Variants in OXR1 observed in about 807,000 individuals in gnomAD.
OXR1 encodes the protein oxidation resistance protein 1.
A neutral mutation model predicts 104.6 loss-of-function variants in OXR1; 41 were observed. That is an observed-to-expected ratio of 0.39 (90% confidence interval 0.31 to 0.51). The LOEUF (loss-of-function observed/expected upper bound fraction) is 0.51. OXR1 is among the 20% of genes least tolerant of loss of function. The probability of loss-of-function intolerance (pLI) is 0.77; values close to 1 mark genes in which losing one functional copy is unlikely to be tolerated. For synonymous variants in OXR1, 348 were observed against 348.4 expected (o/e 1.00, Z 0.01); for missense variants, 955 against 1,031.9 (o/e 0.93, Z 1.02).
chr8:106,385,451 C>T (rs1817335487), intron 2 of OXR1, among the ~76,000 whole-genome samples: 1 of 152,154 alleles, frequency 6.6e-6, no homozygotes, highest in Non-Finnish European at 1.5e-5. Flanking sequence ...TTAAAAGTCA[C>T]CATTTCCTAT....
At chr8:106,605,129 T>C (rs913984787) in intron 3 of OXR1, 6 of 152,212 alleles carry the variant, frequency 3.9e-5, no homozygotes, top group Non-Finnish European at 5.9e-5. Flanking sequence ...TCCTTTGTGC[T>C]GAAAACATGT....
chr8:106,704,393 C>CTTCTTTTT (rs1830917410), intron 8 of OXR1, among the ~76,000 whole-genome samples: 4 of 47,890 alleles, frequency 8.4e-5, no homozygotes, highest in African/African-American at 2.0e-4. Context: ...CTTTCTTCTT[C>CTTCTTTTT]TTTTTTTTTT....
At chr8:106,533,074 T>A (rs1357280143) in intron 3 of OXR1, among the ~76,000 whole-genome samples, 2 of 152,154 alleles carry the variant, frequency 1.3e-5, no homozygotes, top group Non-Finnish European at 2.9e-5. Flanking sequence ...AGTTGTCACA[T>A]CTGGGGTTTT....
intron 2 of OXR1, among the ~76,000 whole-genome samples, chr8:106,471,958 C>T (rs1172332628): frequency 1.3e-5 from 2 of 151,814 alleles, no homozygotes; most frequent in African/African-American, 4.8e-5. Context: ...AAATTGTTAT[C>T]GATGAAATAC....
Position 106,627,996 on chromosome 8 carries a change from CTGCCT to C in OXR1, c.221-51212_221-51208del, listed in dbSNP as rs1822317752. On this transcript the variant is annotated intron_variant, in intron 3 of 16. Coordinates refer to ENST00000517566, the MANE Select transcript of OXR1 (RefSeq NM_001198533.2). The stretch of plus-strand genomic sequence containing the variant: ...GGACTCCTACCTTTCAGGTTTCTCC[CTGCCT>C]TTCCAATCCATTATCCACACTGCCA... Among the ~76,000 whole-genome samples, 3 of 152,194 alleles carry C rather than the reference CTGCCT, an allele frequency of 2.0e-5. 1 individual carries two copies. Among genetic ancestry groups the C allele is most frequent in the Non-Finnish European group, 4.4e-5 (3 of 68,028 alleles).
At chr8:106,697,049 G>A (rs1411061094) in intron 7 of OXR1, among the ~76,000 whole-genome samples, 2 of 152,194 alleles carry the variant, frequency 1.3e-5, no homozygotes, top group Non-Finnish European at 1.5e-5. Context: ...GGCAGAGGCA[G>A]CATCACTGAC....
intron 2 of OXR1, among the ~76,000 whole-genome samples, chr8:106,426,721 A>G (rs1333319091): frequency 6.6e-6 from 1 of 152,180 alleles, no homozygotes; most frequent in Non-Finnish European, 1.5e-5. Flanking sequence ...TAATATGATG[A>G]TAGTACCTAT....
At chr8:106,386,647 G>T (rs1397693615) in intron 2 of OXR1, among the ~76,000 whole-genome samples, 1 of 152,098 alleles carries the variant, frequency 6.6e-6, no homozygotes, top group Non-Finnish European at 1.5e-5. Flanking sequence ...CAACCCCTAA[G>T]TCAAGGGGAA....
intron 2 of OXR1, among the ~76,000 whole-genome samples, chr8:106,461,668 A>G (rs531306305): frequency 6.6e-6 from 1 of 152,214 alleles, no homozygotes; most frequent in Non-Finnish European, 1.5e-5. Context: ...GAAATACAGG[A>G]TTCCTGCTGA....
chr8:106,461,216 TA>T (rs1820895902), intron 2 of OXR1, among the ~76,000 whole-genome samples: 1 of 151,708 alleles, frequency 6.6e-6, no homozygotes, highest in African/African-American at 2.4e-5. Context: ...AGAGTAAGAG[TA>T]GTCTCCCCTG....
intron 1 of OXR1, among the ~76,000 whole-genome samples, chr8:106,321,937 TTACTC>T (rs1407506982): frequency 1.3e-5 from 2 of 152,162 alleles, no homozygotes; most frequent in East Asian, 3.9e-4. Context: ...TATATCTTCA[TTACTC>T]AATTAAATAA....
intron 1 of OXR1, among the ~76,000 whole-genome samples, chr8:106,287,318 C>G (rs1812541613): frequency 6.6e-6 from 1 of 152,130 alleles, no homozygotes; most frequent in African/African-American, 2.4e-5. Flanking sequence ...TACATTGATA[C>G]TTGTCCTGTG....
intron 2 of OXR1, among the ~76,000 whole-genome samples, chr8:106,446,341 C>T (rs1024025322): frequency 1.3e-5 from 2 of 152,096 alleles, no homozygotes; most frequent in Non-Finnish European, 2.9e-5. Flanking sequence ...TTTTTGAGGC[C>T]GGGTGCCGTG....
chr8:106,496,228 G>T (rs76799008), intron 2 of OXR1, among the ~76,000 whole-genome samples: 8,180 of 152,084 alleles, frequency 0.054, 292 homozygotes, highest in African/African-American at 0.092. Flanking sequence ...GAACTTATCA[G>T]GAATATAAAT....
intron 3 of OXR1, among the ~76,000 whole-genome samples, chr8:106,521,138 T>C (rs141231101): frequency 3.8e-4 from 58 of 152,332 alleles, no homozygotes; most frequent in African/African-American, 8.4e-4. Flanking sequence ...GGAAACATTA[T>C]TTTCAAGGCT....
intron 11 of OXR1, among the ~76,000 whole-genome samples, chr8:106,720,096 G>A (rs932140987): frequency 2.0e-5 from 3 of 152,218 alleles, no homozygotes; most frequent in African/African-American, 4.8e-5. Context: ...GTGAGCCACC[G>A]TGTCTGGCCC....
At chr8:106,645,081 G>C (rs1823962358) in intron 3 of OXR1, among the ~76,000 whole-genome samples, 1 of 151,992 alleles carries the variant, frequency 6.6e-6, no homozygotes, top group South Asian at 2.1e-4. Context: ...AGTAGAAGCT[G>C]GGAGATTTCA....
intron 3 of OXR1, among the ~76,000 whole-genome samples, chr8:106,641,613 A>G (rs1285618014): frequency 6.6e-6 from 1 of 152,178 alleles, no homozygotes; most frequent in Non-Finnish European, 1.5e-5. Flanking sequence ...TAGCATACCC[A>G]AAAAATCAAA....
intron 11 of OXR1, among the ~76,000 whole-genome samples, chr8:106,718,399 G>A (rs1832471898): frequency 1.3e-5 from 2 of 152,168 alleles, no homozygotes; most frequent in Admixed American, 6.5e-5. Flanking sequence ...ATTTTAAGGT[G>A]GTCAGGAGTA....
Sources: allele counts gnomAD v4.1 joint callset (sites outside exome capture counted in the v4.1 genomes callset), GRCh38; gene constraint gnomAD v4.1.1; transcripts MANE v1.5; gene names NCBI Gene and HGNC (gene_info 2026-07-23, HGNC 2026-07-21).